Variants in DNAJB6 observed in about 807,000 individuals in gnomAD.
DNAJB6 encodes the protein DnaJ heat shock protein family (Hsp40) member B6, also known as dnaJ homolog subfamily B member 6.
A neutral mutation model predicts 42.7 loss-of-function variants in DNAJB6; 16 were observed. The ratio of observed to expected loss-of-function variants is 0.37; its 90% CI spans 0.25 to 0.57. The LOEUF is 0.57. Among genes scored for constraint, DNAJB6 ranks in the 20% least tolerant of loss-of-function variants. DNAJB6 has a pLI of 0.74. For synonymous variants in DNAJB6, 170 were observed against 163.5 expected (o/e 1.04, Z -0.30); for missense variants, 347 against 416.8 (o/e 0.83, Z 1.46).
chr7:157,356,590 G>T (rs1799290132), intron 1 of DNAJB6, among the ~76,000 whole-genome samples: 1 of 152,134 alleles, frequency 6.6e-6, no homozygotes, highest in African/African-American at 2.4e-5. Context: ...ATTTTATATT[G>T]ATTATTTCCA....
intron 8 of DNAJB6, among the ~76,000 whole-genome samples, chr7:157,407,900 G>A (rs1321582813): frequency 6.6e-6 from 1 of 152,192 alleles, no homozygotes; most frequent in East Asian, 1.9e-4. Context: ...TGCAACTGGG[G>A]CCTGGTCGGG....
intron 2 of DNAJB6, among the ~76,000 whole-genome samples, chr7:157,360,073 C>T (rs1041452886): frequency 6.6e-6 from 1 of 152,198 alleles, no homozygotes; most frequent in African/African-American, 2.4e-5. Context: ...CCTTACTCCT[C>T]TCGAATAAGT....
chr7:157,400,813 G>A (rs986608190), intron 8 of DNAJB6, among the ~76,000 whole-genome samples: 1 of 152,202 alleles, frequency 6.6e-6, no homozygotes, highest in African/African-American at 2.4e-5. Flanking sequence ...GAAGTGAGTT[G>A]GTCGCTGAAT....
chr7:157,341,270 A>G (rs990835903), intron 1 of DNAJB6, among the ~76,000 whole-genome samples: 1 of 151,648 alleles, frequency 6.6e-6, no homozygotes, highest in Non-Finnish European at 1.5e-5. Context: ...GATTACAGGC[A>G]CCTGCCACTG....
intron 5 of DNAJB6, among the ~76,000 whole-genome samples, chr7:157,370,354 C>A (rs72505536): frequency 3.9e-5 from 6 of 151,962 alleles, no homozygotes; most frequent in Admixed American, 3.9e-4. Context: ...TTAAACAGGC[C>A]GTTTCTCAAC....
At chr7:157,344,938 A>G (rs1181372062) in intron 1 of DNAJB6, among the ~76,000 whole-genome samples, 2 of 152,100 alleles carry the variant, frequency 1.3e-5, no homozygotes. Context: ...GTGCTACTTT[A>G]CAGCACTGTC....
intron 8 of DNAJB6, among the ~76,000 whole-genome samples, chr7:157,409,029 A>G (rs929563405): frequency 6.6e-6 from 1 of 152,218 alleles, no homozygotes; most frequent in Non-Finnish European, 1.5e-5. Flanking sequence ...CCTCCCTCAC[A>G]TCCACGCAGT....
intron 8 of DNAJB6, among the ~76,000 whole-genome samples, chr7:157,401,341 G>A (rs1013212839): frequency 6.6e-6 from 1 of 151,950 alleles, no homozygotes; most frequent in African/African-American, 2.4e-5. Flanking sequence ...TCAGCCTCCC[G>A]AGTAGCTGGG....
chr7:157,342,898 A>G (rs1798481359), intron 1 of DNAJB6, among the ~76,000 whole-genome samples: 1 of 152,034 alleles, frequency 6.6e-6, no homozygotes, highest in Non-Finnish European at 1.5e-5. Context: ...ATACTGGATA[A>G]TGAAATAAGT....
At chr7:157,415,291 C>A (rs1485640548) in intron 9 of DNAJB6, 1 of 152,246 alleles carries the variant, frequency 6.6e-6, no homozygotes, top group Non-Finnish European at 1.5e-5. Context: ...TTGGATCAGA[C>A]GTTCAGAGGG....
chr7:157,390,175 A>G (rs1021505661), intron 8 of DNAJB6, among the ~76,000 whole-genome samples: 4 of 152,218 alleles, frequency 2.6e-5, no homozygotes, highest in Non-Finnish European at 5.9e-5. Flanking sequence ...CCTGGACCAC[A>G]GCTGCCTGGA....
intron 1 of DNAJB6, chr7:157,340,141 G>A (rs1798284264): frequency 6.6e-6 from 1 of 152,216 alleles, no homozygotes; most frequent in South Asian, 2.1e-4. Flanking sequence ...GTGAGTTGAC[G>A]TTTTGACGGG....
chr7:157,339,591 G>T, intron 1 of DNAJB6, among the ~76,000 whole-genome samples: 1 of 149,518 alleles, frequency 6.7e-6, no homozygotes, highest in East Asian at 2.0e-4. Flanking sequence ...GAGCCACCGC[G>T]CCCGGCCTTT....
chr7:157,406,730 T>A (rs1393668532), intron 8 of DNAJB6, among the ~76,000 whole-genome samples: 1 of 152,142 alleles, frequency 6.6e-6, no homozygotes, highest in Non-Finnish European at 1.5e-5. Flanking sequence ...GAACGCAACA[T>A]CCATGCCTGC....
At chr7:157,396,315 A>C (rs187343526) in intron 8 of DNAJB6, among the ~76,000 whole-genome samples, 6 of 152,314 alleles carry the variant, frequency 3.9e-5, no homozygotes, top group Admixed American at 1.3e-4. Context: ...GCCTCAGCCT[A>C]ACCAGGGAGC....
intron 9 of DNAJB6, chr7:157,411,433 AGGCTCCCC>A: frequency 2.1e-5 from 3 of 146,246 alleles, no homozygotes; most frequent in Non-Finnish European, 4.5e-5. Flanking sequence ...GGCGTAGGGG[AGGCTCCCC>A]AGGATCCCTG....
chr7:157,407,353 G>A lies in DNAJB6; in HGVS notation c.692-2442G>A, dbSNP rs774072460. On this transcript the variant is annotated intron_variant, in intron 8 of 9. Transcript: ENST00000262177. ...AGCTCACGCTGCATCGCTGTGCCCC[G>A]GGGAAGACTTCACAGCTATGGATAT... Among the ~76,000 whole-genome samples the A allele has an allele frequency of 3.0e-4, 46 of 152,216 alleles. 1 individual carries two copies. The highest frequency in any genetic ancestry group is 3.2e-4 in the Non-Finnish European group (22 of 68,030).
At chr7:157,364,638 T>G (rs1799760475) in intron 3 of DNAJB6, among the ~76,000 whole-genome samples, 3 of 152,164 alleles carry the variant, frequency 2.0e-5, no homozygotes, top group Admixed American at 2.0e-4. Context: ...TCTTCGGTCC[T>G]TGTTGTTTGT....
chr7:157,396,461 C>A (rs1051600581), intron 8 of DNAJB6, among the ~76,000 whole-genome samples: 4 of 152,192 alleles, frequency 2.6e-5, no homozygotes, highest in Non-Finnish European at 4.4e-5. Context: ...AAAGACTTTT[C>A]CTTTCTCTGC....
Sources: allele counts gnomAD v4.1 joint callset (sites outside exome capture counted in the v4.1 genomes callset), GRCh38; gene constraint gnomAD v4.1.1; transcripts MANE v1.5; gene names NCBI Gene and HGNC (gene_info 2026-07-23, HGNC 2026-07-21).